GLG1: variants seen among roughly 807,000 people sequenced by gnomAD.
GLG1 encodes the protein Golgi apparatus protein 1.
A neutral mutation model predicts 160.5 loss-of-function variants in GLG1; 38 were observed. The ratio of observed to expected loss-of-function variants is 0.24; its 90% CI spans 0.18 to 0.31. The LOEUF (loss-of-function observed/expected upper bound fraction) is 0.31. Ranked by LOEUF, GLG1 falls within the 10% of genes least tolerant of loss-of-function variation. The pLI is 1.00. For missense variants in GLG1, 1,373 were observed against 1,505.2 expected (o/e 0.91, Z 1.45); for synonymous variants, 644 against 543.4 (o/e 1.19, Z -2.57).
chr16:74,592,986 T>C (rs928811860), intron 1 of GLG1, among the ~76,000 whole-genome samples: 1 of 152,032 alleles, frequency 6.6e-6, no homozygotes, highest in East Asian at 1.9e-4. Context: ...GGGAGTGGGG[T>C]TCTGATAAAA....
chr16:74,467,797 T>A lies in GLG1; in HGVS notation c.2488A>T (p.Ile830Phe). 6.2e-7 allele frequency: 1 copy of A among 1,613,752 alleles called. No homozygotes were observed. Among genetic ancestry groups the A allele is most frequent in the Non-Finnish European group, 8.5e-7 (1 of 1,179,648 alleles). The change falls in exon 18 of 26, where the codon ATC (isoleucine) becomes TTC (phenylalanine). Residue 830 changes from isoleucine (I) to phenylalanine (F), a missense_variant. Transcript: ENST00000422840. ...PDLYEACKSD[I>F]KNFCSAVQYG... The stretch of plus-strand genomic sequence containing the variant: ...TGCACAGCGGAACAGAAGTTTTTGA[T>A]GTCACTCTTGCAGGCTTCGTATAGA...
chr16:74,502,031 T>C (rs1050619594), intron 4 of GLG1, among the ~76,000 whole-genome samples: 1 of 152,206 alleles, frequency 6.6e-6, no homozygotes, highest in Admixed American at 6.5e-5. Flanking sequence ...AAACCCTTCA[T>C]TTGAACGGTG....
intron 22 of GLG1, chr16:74,461,468 T>G (rs1386246413): frequency 7.7e-6 from 1 of 129,730 alleles, no homozygotes; most frequent in African/African-American, 2.9e-5. Flanking sequence ...CGCCCGGGCT[T>G]TTTTTTTTTT....
intron 1 of GLG1, among the ~76,000 whole-genome samples, chr16:74,542,716 G>GGAAGGAAGGGAGGGA (rs752290157): frequency 1.3e-4 from 4 of 29,784 alleles, no homozygotes; most frequent in Admixed American, 4.9e-4. Context: ...AAGGGAAGAA[G>GGAAGGAAGGGAGGGA]GGAAGGAAGG....
At chr16:74,592,271 T>C (rs1567545356) in intron 1 of GLG1, among the ~76,000 whole-genome samples, 2 of 152,214 alleles carry the variant, frequency 1.3e-5, no homozygotes, top group Non-Finnish European at 2.9e-5. Flanking sequence ...GCCTCCTGAG[T>C]AGCTGGGATT....
At position 74,574,595 on chromosome 16, in the gene GLG1, G is replaced by A. The variant is rs1260690014; in HGVS notation, c.438+32062C>T. On this transcript the variant is annotated intron_variant, in intron 1 of 25. Coordinates refer to ENST00000422840, the MANE Select transcript of GLG1 (RefSeq NM_001145667.2). ...ACAAAATCAAAATAAAAAAGAGGTA[G>A]AATCTAGGTCAGTGCAGTGGCTCAC... Among the ~76,000 whole-genome samples, 8 of 152,110 alleles carry A rather than the reference G, an allele frequency of 5.3e-5. No homozygotes were observed. In the East Asian group the frequency reaches 1.4e-3, roughly 26 times the overall value.
At chr16:74,486,764 T>C (rs529671176) in intron 8 of GLG1, among the ~76,000 whole-genome samples, 1 of 152,302 alleles carries the variant, frequency 6.6e-6, no homozygotes, top group South Asian at 2.1e-4. Context: ...GACAAATTGA[T>C]TACCTCTAAG....
intron 4 of GLG1, among the ~76,000 whole-genome samples, chr16:74,498,468 T>TATATTATATATATATATATATATATA: frequency 3.4e-5 from 1 of 29,688 alleles, no homozygotes; most frequent in Middle Eastern, 0.029. Context: ...ATATATATAT[T>TATATTATATATATATATATATATATA]ATATTTTATA....
At position 74,586,538 on chromosome 16, in the gene GLG1, A is replaced by C. The variant is rs188354270; in HGVS notation, c.438+20119T>G. On this transcript the variant is annotated intron_variant, in intron 1 of 25. Coordinates refer to ENST00000422840, the MANE Select transcript of GLG1 (RefSeq NM_001145667.2). ...CACCCAAGCTGGAGTGCAGTGGCACAATCATAACTCACTGCAGCCTCAATC... is the reference window on the plus strand; with the variant it reads ...CACCCAAGCTGGAGTGCAGTGGCACCATCATAACTCACTGCAGCCTCAATC... Among the ~76,000 whole-genome samples the C allele has an allele frequency of 9.2e-5, 14 of 152,012 alleles. No individual in the cohort carries two copies. The East Asian group carries it at 2.7e-3, about 29-fold the overall frequency.
At chr16:74,516,073 C>T (rs956391471) in intron 2 of GLG1, among the ~76,000 whole-genome samples, 4 of 151,602 alleles carry the variant, frequency 2.6e-5, no homozygotes, top group Non-Finnish European at 5.9e-5. Flanking sequence ...TAGAGACCTA[C>T]AAAGAGACTT....
chr16:74,472,214 A>G (rs1366782289), intron 14 of GLG1, 135 bp downstream of exon 14: 1 of 666,354 alleles, frequency 1.5e-6, no homozygotes, highest in African/African-American at 1.8e-5. Context: ...TACATTTTTA[A>G]TTTTAACTTG....
intron 2 of GLG1, among the ~76,000 whole-genome samples, chr16:74,517,805 C>A (rs1301746009): frequency 6.6e-6 from 1 of 152,084 alleles, no homozygotes; most frequent in Non-Finnish European, 1.5e-5. Context: ...AAAAGCCCGT[C>A]ATCTCAGCCC....
intron 7 of GLG1, among the ~76,000 whole-genome samples, chr16:74,492,016 T>G (rs530450939): frequency 1.3e-5 from 2 of 151,790 alleles, no homozygotes; most frequent in African/African-American, 2.4e-5. Context: ...AAGCCAAAAT[T>G]TGAAGCCAAG....
chr16:74,548,108 A>G (rs1483781825), intron 1 of GLG1, among the ~76,000 whole-genome samples: 7 of 152,134 alleles, frequency 4.6e-5, no homozygotes, highest in African/African-American at 1.7e-4. Context: ...ATTTTTTTGT[A>G]AAGTCAATAG....
intron 2 of GLG1, among the ~76,000 whole-genome samples, chr16:74,516,271 C>T (rs2016975444): frequency 6.6e-6 from 1 of 151,660 alleles, no homozygotes; most frequent in Admixed American, 6.6e-5. Context: ...AGCACCACAC[C>T]ACACCTATTC....
chr16:74,598,218 G>A (rs1958351654), intron 1 of GLG1, among the ~76,000 whole-genome samples: 1 of 152,068 alleles, frequency 6.6e-6, no homozygotes, highest in African/African-American at 2.4e-5. Context: ...TTCAATAAAT[G>A]TTTGCTGAAA....
In GLG1 at chr16:74,491,055, C is replaced by G. The variant is rs753185233; in HGVS notation, c.1395G>C (p.Leu465=). 3.7e-6 allele frequency: 6 copies of G among 1,614,188 alleles called. 1 individual carries two copies. Among genetic ancestry groups the G allele is most frequent in the South Asian group, 2.2e-5 (2 of 91,082 alleles). Residue 465 remains leucine, a synonymous_variant, in exon 8 of 26, where the codon CTG becomes CTC. Transcript: ENST00000422840. ...CCTTCTCCCCTCGAACTACTTTCAT[C>G]AGACAGTGTAGGGTCCGCCCTTTTC... ...LHRKGRTLHC[L]MKVVRGEKGN...
At chr16:74,532,984 GATAC>G (rs1294567313) in intron 1 of GLG1, among the ~76,000 whole-genome samples, 2 of 152,098 alleles carry the variant, frequency 1.3e-5, no homozygotes, top group African/African-American at 2.4e-5. Flanking sequence ...TATTCCTATG[GATAC>G]ATTTGCTTTG....
rs565020266 is a variant in GLG1, at chr16:74,481,950, C to A, written c.1673+1073G>T. ...ACAGGCATGCACCACCTACGCCCGGCTAATTTTTTTTGTATTTTTAGTAGA... is the reference window on the plus strand; with the variant it reads ...ACAGGCATGCACCACCTACGCCCGGATAATTTTTTTTGTATTTTTAGTAGA... On this transcript the variant is annotated intron_variant, in intron 10 of 25. Transcript: ENST00000422840. Among the ~76,000 whole-genome samples the A allele has an allele frequency of 3.8e-3, 583 of 152,188 alleles. 3 individuals carry two copies. Among genetic ancestry groups the A allele is most frequent in the Non-Finnish European group, 6.4e-3 (436 of 68,002 alleles).
Sources: gnomAD v4.1 joint callset for allele counts (sites outside exome capture counted in the v4.1 genomes callset) on GRCh38, gnomAD v4.1.1 for gene constraint, MANE v1.5 for transcripts, NCBI Gene and HGNC (gene_info 2026-07-23, HGNC 2026-07-21) for gene names.